The following KALRN variants were observed in gnomAD, a reference collection of about 807,000 sequenced individuals.
The protein encoded by KALRN is kalirin.
KALRN carries 70 observed loss-of-function variants against 353.7 expected under a neutral mutation model. The ratio of observed to expected loss-of-function variants is 0.20; its 90% CI spans 0.16 to 0.24. The LOEUF is 0.24. KALRN is among the 10% of genes least tolerant of loss of function. KALRN has a pLI of 1.00. For synonymous variants in KALRN, 1,391 were observed against 1,434.8 expected, an observed-to-expected ratio of 0.97 and a Z score of 0.69; for missense variants, 2,791 against 3,756.7, an observed-to-expected ratio of 0.74 and a Z score of 6.72.
intron 33 of KALRN, among the ~76,000 whole-genome samples, chr3:124,556,713 A>G (rs1223221277): frequency 2.0e-5 from 3 of 152,182 alleles, no homozygotes; most frequent in African/African-American, 7.2e-5. Context: ...AGAGATTGTT[A>G]TTGTTGATGT....
intron 33 of KALRN, among the ~76,000 whole-genome samples, chr3:124,549,916 A>C (rs1408712210): frequency 6.6e-6 from 1 of 152,260 alleles, no homozygotes; most frequent in East Asian, 1.9e-4. Context: ...TAAAATACAC[A>C]GACAAGTAGT....
chr3:124,655,538 T>G, intron 38 of KALRN, 63 bp from the exon 39 acceptor site: 1 of 1,348,358 alleles, frequency 7.4e-7, no homozygotes, highest in Admixed American at 1.7e-5. Context: ...TCTGTGAACT[T>G]AAGTGAAGAT....
At chr3:124,698,390 A>T (rs534731748) in intron 55 of KALRN, among the ~76,000 whole-genome samples, 1 of 152,226 alleles carries the variant, frequency 6.6e-6, no homozygotes, top group Admixed American at 6.5e-5. Context: ...CCAACTCAGC[A>T]CAGAGGCCTC....
chr3:124,326,666 A>G (rs1460043712), intron 7 of KALRN, among the ~76,000 whole-genome samples: 1 of 152,240 alleles, frequency 6.6e-6, no homozygotes, highest in Non-Finnish European at 1.5e-5. Flanking sequence ...GGCCAGTGAC[A>G]TTGCTAACCC....
chr3:124,401,024 A>G (rs925862397), intron 13 of KALRN, among the ~76,000 whole-genome samples: 2 of 152,204 alleles, frequency 1.3e-5, no homozygotes, highest in African/African-American at 4.8e-5. Flanking sequence ...GACATCGACT[A>G]CACCCCTCAC....
At chr3:124,458,351 T>G (rs1485650983) in intron 23 of KALRN, among the ~76,000 whole-genome samples, 1 of 152,134 alleles carries the variant, frequency 6.6e-6, no homozygotes, top group Non-Finnish European at 1.5e-5. Flanking sequence ...TTCCTTTTTT[T>G]CCTGTTTGGT....
chr3:124,578,399 C>G (rs909195349), intron 34 of KALRN, among the ~76,000 whole-genome samples: 1 of 152,180 alleles, frequency 6.6e-6, no homozygotes, highest in African/African-American at 2.4e-5. Flanking sequence ...ATTAAGGAAC[C>G]TGCAGTTAGC....
At chr3:124,526,237 A>C (rs2109076286) in intron 33 of KALRN, among the ~76,000 whole-genome samples, 1 of 152,298 alleles carries the variant, frequency 6.6e-6, no homozygotes, top group East Asian at 1.9e-4. Flanking sequence ...ATAATAGTAA[A>C]AAATCTGGAT....
chr3:124,536,700 G>A (rs552530134), intron 33 of KALRN, among the ~76,000 whole-genome samples: 34 of 152,248 alleles, frequency 2.2e-4, no homozygotes, highest in African/African-American at 6.0e-4. Context: ...ATAAAGAAGC[G>A]TTGTATTTTT....
In KALRN at chr3:124,269,157, C is replaced by G. The variant is rs1442459337; in HGVS notation, c.871C>G (p.His291Asp). 5 of 1,613,248 alleles carry G rather than the reference C, an allele frequency of 3.1e-6. No individual in the cohort carries two copies. Among genetic ancestry groups the G allele is most frequent in the Non-Finnish European group, 4.2e-6 (5 of 1,179,706 alleles). The change falls in exon 5 of 60, where the codon CAC becomes GAC. Residue 291 changes from histidine (H) to aspartate (D), a missense_variant. Transcript: ENST00000682506. ...PKITSLLDKL[H>D]STRQHLHQMW... Reference sequence around the variant, plus strand: ...GATCACCAGTCTCCTGGACAAGCTGCACTCCACCCGGCAGCACCTGCACCA... The same window carrying G: ...GATCACCAGTCTCCTGGACAAGCTGGACTCCACCCGGCAGCACCTGCACCA...
intron 1 of KALRN, among the ~76,000 whole-genome samples, chr3:124,169,066 T>C (rs141694900): frequency 1.0e-3 from 157 of 152,344 alleles, no homozygotes; most frequent in African/African-American, 3.7e-3. Flanking sequence ...GACTGTGTTA[T>C]CTGGGGCTCT....
At chr3:124,659,589 G>T in intron 43 of KALRN, 132 bp downstream of exon 43, 1 of 635,588 alleles carries the variant, frequency 1.6e-6, no homozygotes, top group Non-Finnish European at 2.8e-6. Context: ...TGTGGGAGGG[G>T]TGGTAGGGAC....
intron 9 of KALRN, among the ~76,000 whole-genome samples, chr3:124,337,359 G>A (rs1293115040): frequency 6.6e-6 from 1 of 152,108 alleles, no homozygotes; most frequent in Non-Finnish European, 1.5e-5. Flanking sequence ...ATGAAGGGGT[G>A]TTGAATTTTA....
At chr3:124,148,619 T>G (rs1327141903) in intron 1 of KALRN, among the ~76,000 whole-genome samples, 1 of 152,178 alleles carries the variant, frequency 6.6e-6, no homozygotes, top group East Asian at 1.9e-4. Flanking sequence ...TGACATGTTT[T>G]TGTCATGTTA....
Position 124,674,264 on chromosome 3 carries a change from G to A in KALRN, c.6943-100G>A, listed in dbSNP as rs549931697. The A allele has an allele frequency of 1.2e-4, 141 of 1,196,704 alleles. No individual in the cohort carries two copies. In the African/African-American group the frequency reaches 2.0e-3, roughly 17 times the overall value. 74.1% of individuals were successfully genotyped at this position (1,196,704 alleles called of 1,614,324 possible). On this transcript the variant is annotated intron_variant, in intron 48 of 59. Coordinates refer to ENST00000682506, the MANE Select transcript of KALRN (RefSeq NM_001388419.1). ...ATGCTGCCTGCTGCCTACCCTGCTA[G>A]TGGGAGATTTGGCCTTGAACCACTG...
At chr3:124,384,676 C>T (rs943621148) in intron 10 of KALRN, 169 bp from the exon 11 acceptor site, 10 of 560,622 alleles carry the variant, frequency 1.8e-5, no homozygotes, top group African/African-American at 1.1e-4. Flanking sequence ...GCAGGCTGCT[C>T]GCTTGCTGAG....
intron 32 of KALRN, 77 bp downstream of exon 32, chr3:124,492,959 T>C: frequency 5.2e-6 from 8 of 1,532,782 alleles, no homozygotes; most frequent in Non-Finnish European, 7.1e-6. Flanking sequence ...TCTTTGCTTC[T>C]GAAGGGGGAT....
chr3:124,515,109 GA>G (rs778356491), intron 33 of KALRN, among the ~76,000 whole-genome samples: 19 of 152,216 alleles, frequency 1.2e-4, no homozygotes, highest in Admixed American at 3.9e-4. Context: ...AGTGGAACGA[GA>G]AAAGGTATAA....
chr3:124,553,045 C>T (rs2070747763), intron 33 of KALRN, among the ~76,000 whole-genome samples: 1 of 152,198 alleles, frequency 6.6e-6, no homozygotes. Flanking sequence ...GGATTACAGG[C>T]GTGAGCCACC....
Sources: gnomAD v4.1 joint callset for allele counts (sites outside exome capture counted in the v4.1 genomes callset) on GRCh38, gnomAD v4.1.1 for gene constraint, MANE v1.5 for transcripts, NCBI Gene and HGNC (gene_info 2026-07-23, HGNC 2026-07-21) for gene names.